FLNB: variants seen among roughly 807,000 people sequenced by gnomAD.
The protein encoded by FLNB is filamin B.
FLNB carries 111 observed loss-of-function variants against 250.6 expected under a neutral mutation model. That is an observed-to-expected ratio of 0.44 (90% CI 0.38 to 0.52). FLNB has a LOEUF of 0.52. FLNB is among the 20% of genes least tolerant of loss of function. The pLI, the probability that FLNB is intolerant of heterozygous loss-of-function variation, is 0.00. For synonymous variants in FLNB, 1,302 were observed against 1,372.1 expected, an observed-to-expected ratio of 0.95 and a Z score of 1.13; for missense variants, 2,869 against 3,447.8, an observed-to-expected ratio of 0.83 and a Z score of 4.20.
In FLNB at chr3:58,123,551, G is replaced by C. The variant is rs1014849932; in HGVS notation, c.3585G>C (p.Val1195=). ...ATGGCACCTACGCGGTGACCTACGT[G>C]CCCCTGACGGCCGGCATGTACACGT... ...NKDGTYAVTY[V]PLTAGMYTLT... is the part of the protein sequence containing the mutation. The change falls in exon 21 of 46, where the codon GTG becomes GTC. Residue 1195 remains valine (V), a synonymous_variant. Transcript: ENST00000295956. 3.7e-6 allele frequency: 6 copies of C among 1,608,470 alleles called. No homozygotes were observed. The highest frequency in any genetic ancestry group is 5.1e-6 in the Non-Finnish European group (6 of 1,177,812).
chr3:58,156,534 A>G (rs1414888923), intron 41 of FLNB, among the ~76,000 whole-genome samples: 2 of 152,204 alleles, frequency 1.3e-5, no homozygotes, highest in Non-Finnish European at 2.9e-5. Context: ...TAAGAGCTTT[A>G]TCAGTGTTAC....
chr3:58,054,668 C>G (rs913177690), intron 1 of FLNB, among the ~76,000 whole-genome samples: 9 of 152,110 alleles, frequency 5.9e-5, no homozygotes, highest in African/African-American at 1.9e-4. Flanking sequence ...TCCCCTGATT[C>G]AATTACCTCC....
intron 1 of FLNB, among the ~76,000 whole-genome samples, chr3:58,031,493 C>T (rs1325140702): frequency 2.0e-5 from 3 of 148,786 alleles, no homozygotes; most frequent in African/African-American, 7.4e-5. Flanking sequence ...CTGCCTGCCT[C>T]GGCCTCCCAA....
chr3:58,042,318 AC>A (rs1461559838), intron 1 of FLNB, among the ~76,000 whole-genome samples: 4 of 131,202 alleles, frequency 3.0e-5, no homozygotes, highest in African/African-American at 5.8e-5. Flanking sequence ...TTATTTATTT[AC>A]CTTTTAGGAG....
At chr3:58,147,305 G>A (rs62259294) in intron 34 of FLNB, among the ~76,000 whole-genome samples, 1 of 152,232 alleles carries the variant, frequency 6.6e-6, no homozygotes, top group African/African-American at 2.4e-5. Context: ...AGTGCATGAA[G>A]TGCATGAGCT....
At chr3:58,137,835 C>T (rs1475524871) in intron 28 of FLNB, among the ~76,000 whole-genome samples, 1 of 152,162 alleles carries the variant, frequency 6.6e-6, no homozygotes, top group Middle Eastern at 3.2e-3. Flanking sequence ...CTCTGAGGAA[C>T]AGTTTGTTAT....
At chr3:58,060,769 C>CAAAAAAAAAAAAAAAAAAAAAAAAA (rs71091334) in intron 1 of FLNB, among the ~76,000 whole-genome samples, 4 of 64,212 alleles carry the variant, frequency 6.2e-5, no homozygotes, top group African/African-American at 1.2e-4. Flanking sequence ...GACCTTGTCT[C>CAAAAAAAAAAAAAAAAAAAAAAAAA]AAAAAAAAAA....
At chr3:58,077,396 G>T in intron 2 of FLNB, 102 bp downstream of exon 2, 1 of 1,437,956 alleles carries the variant, frequency 7.0e-7, no homozygotes, top group Non-Finnish European at 9.6e-7. Flanking sequence ...TTTGATTAGC[G>T]TATTTCTCCA....
At chr3:58,149,706 C>A in intron 36 of FLNB, 144 bp from the exon 37 acceptor site, 4 of 1,008,890 alleles carry the variant, frequency 4.0e-6, no homozygotes, top group South Asian at 1.4e-5. Flanking sequence ...CCCCTCTGGG[C>A]TTTGCAAACG....
chr3:58,053,181 T>C (rs188459639), intron 1 of FLNB, among the ~76,000 whole-genome samples: 1 of 152,350 alleles, frequency 6.6e-6, no homozygotes, highest in African/African-American at 2.4e-5. Context: ...GTCTACAGTC[T>C]AGCCCTTAAA....
At chr3:58,065,549 G>T (rs941341619) in intron 1 of FLNB, among the ~76,000 whole-genome samples, 49 of 152,220 alleles carry the variant, frequency 3.2e-4, no homozygotes, top group Non-Finnish European at 5.3e-4. Flanking sequence ...CCCTCACAGG[G>T]TCATTGTGAG....
intron 1 of FLNB, among the ~76,000 whole-genome samples, chr3:58,012,951 C>T (rs2097101129): frequency 6.6e-6 from 1 of 152,218 alleles, no homozygotes; most frequent in African/African-American, 2.4e-5. Context: ...TGAAAGACAA[C>T]CCTGGCTATT....
At chr3:58,101,802 TC>T (rs2097251651) in intron 8 of FLNB, among the ~76,000 whole-genome samples, 2 of 152,190 alleles carry the variant, frequency 1.3e-5, no homozygotes, top group African/African-American at 4.8e-5. Flanking sequence ...TACTGCATTT[TC>T]CAAGAAGACT....
At chr3:58,064,132 A>G (rs1272787285) in intron 1 of FLNB, among the ~76,000 whole-genome samples, 2 of 152,184 alleles carry the variant, frequency 1.3e-5, no homozygotes, top group South Asian at 4.1e-4. Flanking sequence ...CTCAGTAGGC[A>G]GTTAGAAAAT....
intron 1 of FLNB, among the ~76,000 whole-genome samples, chr3:58,076,753 A>T (rs1383683450): frequency 6.6e-6 from 1 of 151,898 alleles, no homozygotes; most frequent in African/African-American, 2.4e-5. Context: ...GTGCCACTGC[A>T]CCTGGCCATT....
intron 7 of FLNB, among the ~76,000 whole-genome samples, chr3:58,098,357 G>T (rs960686707): frequency 6.6e-6 from 1 of 152,168 alleles, no homozygotes; most frequent in Non-Finnish European, 1.5e-5. Context: ...GGGGAACAGA[G>T]AATCACTCTA....
chr3:58,088,819 A>G (rs112879296), intron 4 of FLNB, among the ~76,000 whole-genome samples: 5 of 152,326 alleles, frequency 3.3e-5, no homozygotes, highest in African/African-American at 1.2e-4. Flanking sequence ...AGGCTTTGAC[A>G]ACAGTCTAGC....
At chr3:58,067,068 T>C (rs565453526) in intron 1 of FLNB, among the ~76,000 whole-genome samples, 3 of 152,362 alleles carry the variant, frequency 2.0e-5, no homozygotes, top group Admixed American at 6.5e-5. Flanking sequence ...TACTCAGTTC[T>C]GTTGCAGAGA....
At chr3:58,066,257 C>T (rs992054418) in intron 1 of FLNB, among the ~76,000 whole-genome samples, 35 of 148,982 alleles carry the variant, frequency 2.3e-4, no homozygotes, top group African/African-American at 8.7e-4. Flanking sequence ...TCTTGTTGCC[C>T]AGTGGCAACA....
Sources: allele counts gnomAD v4.1 joint callset (sites outside exome capture counted in the v4.1 genomes callset), GRCh38; gene constraint gnomAD v4.1.1; transcripts MANE v1.5; gene names NCBI Gene and HGNC (gene_info 2026-07-23, HGNC 2026-07-21).